UBE2D3: variants seen among roughly 807,000 people sequenced by gnomAD.
UBE2D3 encodes the protein ubiquitin conjugating enzyme E2 D3, also known as ubiquitin-conjugating enzyme E2 D3.
Under a neutral mutation model 22.8 loss-of-function variants are expected in UBE2D3, and 2 were observed. The observed-to-expected ratio is 0.09, with a 90% CI of 0.04 to 0.28. The LOEUF (loss-of-function observed/expected upper bound fraction) is 0.28, where lower values mean the gene tolerates loss of function less well. UBE2D3 is among the 10% of genes least tolerant of loss of function. The pLI, the probability that UBE2D3 is intolerant of heterozygous loss-of-function variation, is 1.00. For missense variants in UBE2D3, 27 were observed against 182.5 expected (o/e 0.15, Z 4.91); for synonymous variants, 56 against 60.4 (o/e 0.93, Z 0.34).
At chr4:102,841,527 A>T (rs1176037839) in intron 1 of UBE2D3, among the ~76,000 whole-genome samples, 1 of 152,104 alleles carries the variant, frequency 6.6e-6, no homozygotes, top group African/African-American at 2.4e-5. Context: ...CCCTTTCCTT[A>T]TGAGTGTCCA....
intron 1 of UBE2D3, among the ~76,000 whole-genome samples, chr4:102,833,532 G>GA (rs1231952323): frequency 6.6e-6 from 1 of 152,074 alleles, no homozygotes; most frequent in Non-Finnish European, 1.5e-5. Context: ...TCACAAAATG[G>GA]AAAAAAGTTC....
intron 4 of UBE2D3, among the ~76,000 whole-genome samples, chr4:102,806,661 C>T (rs554003890): frequency 3.3e-5 from 5 of 152,152 alleles, no homozygotes; most frequent in Admixed American, 6.5e-5. Flanking sequence ...CTCTCTTCTA[C>T]ATCTCTGTCA....
At chr4:102,840,577 T>G (rs906156234) in intron 1 of UBE2D3, among the ~76,000 whole-genome samples, 4 of 151,932 alleles carry the variant, frequency 2.6e-5, no homozygotes, top group South Asian at 2.1e-4. Context: ...GGTGTCTGGG[T>G]GGGAGGGGGG....
rs563757130 is a variant in UBE2D3, at chr4:102,812,398, GAAAT to G, written c.25-2547_25-2544del. Reference sequence around the variant, plus strand: ...CACTATGGCACTGACTTGGTTGGGGGAAATAAATGAGTCCTCTAAATTTTGTTCA... The same window carrying G: ...CACTATGGCACTGACTTGGTTGGGGGAAATGAGTCCTCTAAATTTTGTTCA... On this transcript the variant is annotated intron_variant, in intron 2 of 7. Transcript: ENST00000453744. 1.2e-4 allele frequency: 18 copies of G among 152,272 alleles called. No homozygotes were observed. In the East Asian group the frequency reaches 3.1e-3, roughly 26 times the overall value. 9.4% of individuals were successfully genotyped at this position (152,272 alleles called of 1,614,324 possible).
chr4:102,861,892 A>G (rs67236825), intron 1 of UBE2D3, among the ~76,000 whole-genome samples: 6 of 151,854 alleles, frequency 4.0e-5, no homozygotes, highest in African/African-American at 1.4e-4. Context: ...AGCTCACTCT[A>G]TTCTATCATG....
At chr4:102,846,919 C>T (rs1021091873) in intron 1 of UBE2D3, among the ~76,000 whole-genome samples, 1 of 151,970 alleles carries the variant, frequency 6.6e-6, no homozygotes, top group African/African-American at 2.4e-5. Flanking sequence ...GCTGGGATTA[C>T]AGGCATGAGC....
chr4:102,804,457 C>T (rs1233931872), intron 4 of UBE2D3, among the ~76,000 whole-genome samples: 2 of 152,038 alleles, frequency 1.3e-5, no homozygotes, highest in African/African-American at 4.8e-5. Flanking sequence ...CGTGCCCAGT[C>T]CTTTTTCATA....
At chr4:102,809,585 A>G (rs1396233095) in intron 4 of UBE2D3, 87 bp downstream of exon 4, 1 of 1,331,066 alleles carries the variant, frequency 7.5e-7, no homozygotes, top group Non-Finnish European at 1.0e-6. Context: ...ATATGATAAA[A>G]TAAACCTACA....
At chr4:102,862,993 G>A (rs1221509260) in intron 1 of UBE2D3, among the ~76,000 whole-genome samples, 1 of 152,138 alleles carries the variant, frequency 6.6e-6, no homozygotes, top group African/African-American at 2.4e-5. Context: ...CACATGGTGA[G>A]AGAGAAAGGC....
intron 1 of UBE2D3, among the ~76,000 whole-genome samples, chr4:102,846,754 C>T (rs887665647): frequency 6.6e-6 from 1 of 152,100 alleles, no homozygotes; most frequent in African/African-American, 2.4e-5. Flanking sequence ...ATCCTCCCAC[C>T]TCAACCTTCT....
intron 5 of UBE2D3, 106 bp from the exon 6 acceptor site, chr4:102,801,665 T>C (rs747064899): frequency 1.2e-5 from 11 of 913,854 alleles, no homozygotes; most frequent in Admixed American, 2.9e-5. Flanking sequence ...TCTATTAGCA[T>C]AGAAGTTCTA....
At chr4:102,802,464 T>C in intron 5 of UBE2D3, 97 bp downstream of exon 5, 2 of 978,188 alleles carry the variant, frequency 2.0e-6, no homozygotes, top group Non-Finnish European at 3.0e-6. Context: ...TCAACATATA[T>C]ATACAGCCTA....
At chr4:102,867,484 G>A (rs758995800) in intron 1 of UBE2D3, among the ~76,000 whole-genome samples, 1 of 152,156 alleles carries the variant, frequency 6.6e-6, no homozygotes. Flanking sequence ...CGGACATTTT[G>A]ACTTCAGCCA....
chr4:102,846,206 A>G (rs537982341), intron 1 of UBE2D3, among the ~76,000 whole-genome samples: 1 of 152,326 alleles, frequency 6.6e-6, no homozygotes, highest in South Asian at 2.1e-4. Context: ...ATCTCTCGCA[A>G]ACAAAGACAG....
intron 6 of UBE2D3, among the ~76,000 whole-genome samples, chr4:102,800,509 C>A (rs902511401): frequency 1.3e-5 from 2 of 151,986 alleles, no homozygotes; most frequent in Non-Finnish European, 2.9e-5. Context: ...ACTGTACACT[C>A]CCAGCAGTAG....
intron 2 of UBE2D3, chr4:102,825,582 G>C (rs1730324835): frequency 6.7e-6 from 8 of 1,199,570 alleles, no homozygotes; most frequent in Non-Finnish European, 8.5e-6. Flanking sequence ...CTAAACCACC[G>C]GAGGTGGAGG....
chr4:102,831,387 A>T (rs892209779), upstream of UBE2D3, among the ~76,000 whole-genome samples: 1 of 152,248 alleles, frequency 6.6e-6, no homozygotes, highest in South Asian at 2.1e-4. Flanking sequence ...GGCTTTTGGC[A>T]TGTAATGAAG....
chr4:102,827,377 CA>C, intron 1 of UBE2D3, 49 bp downstream of exon 1: 1 of 986,050 alleles, frequency 1.0e-6, no homozygotes, highest in Non-Finnish European at 1.2e-6. Flanking sequence ...CCCGGCCGGC[CA>C]CTGGGCCGGC....
At position 102,809,837 on chromosome 4, in the gene UBE2D3, G is replaced by A. The variant is rs1395430286; in HGVS notation, c.43C>T (p.Arg15Cys). ...GCAGAACATTGTGCTGGAGGGTCACGGGCCAAATCACTAAGTTCCTACACC... is the reference window on the plus strand; with the variant it reads ...GCAGAACATTGTGCTGGAGGGTCACAGGCCAAATCACTAAGTTCCTACACC... ...RINKELSDLA[R>C]DPPAQCSAGP... The change falls in exon 3 of 8, where the codon CGT (arginine) becomes TGT (cysteine). Residue 15 changes from arginine (R) to cysteine (C), a missense_variant. Physicochemically the swap from Arg to Cys is radical, Grantham distance 180 (BLOSUM62 -3). Transcript: ENST00000453744. 1 of 1,613,650 alleles carries A rather than the reference G, an allele frequency of 6.2e-7. No homozygotes were observed.
Sources: allele counts gnomAD v4.1 joint callset (sites outside exome capture counted in the v4.1 genomes callset), GRCh38; gene constraint gnomAD v4.1.1; transcripts MANE v1.5; gene names NCBI Gene and HGNC (gene_info 2026-07-23, HGNC 2026-07-21).